Variants in SBF2 observed in about 807,000 individuals in gnomAD.
SBF2 encodes the protein SET binding factor 2, also known as myotubularin-related protein 13.
Under a neutral mutation model 225.2 loss-of-function variants are expected in SBF2, and 112 were observed. The ratio of observed to expected loss-of-function variants is 0.50; its 90% CI spans 0.43 to 0.58. The LOEUF is 0.58. Among genes scored for constraint, SBF2 ranks in the 20% least tolerant of loss-of-function variants. The pLI, the probability that SBF2 is intolerant of heterozygous loss-of-function variation, is 0.00. For synonymous variants in SBF2, 763 were observed against 773.3 expected (o/e 0.99, Z 0.22); for missense variants, 1,996 against 2,206.2 (o/e 0.90, Z 1.91).
intron 2 of SBF2, among the ~76,000 whole-genome samples, chr11:10,098,116 A>T (rs1369696999): frequency 6.6e-6 from 1 of 151,870 alleles, no homozygotes; most frequent in South Asian, 2.1e-4. Flanking sequence ...CATACCATGC[A>T]CCCCTCTCTC....
At chr11:9,821,242 T>C (rs1854735363) in intron 28 of SBF2, among the ~76,000 whole-genome samples, 2 of 152,188 alleles carry the variant, frequency 1.3e-5, no homozygotes, top group African/African-American at 4.8e-5. Flanking sequence ...CTCAAAGAAT[T>C]TGTTGATTAT....
intron 13 of SBF2, among the ~76,000 whole-genome samples, chr11:9,984,286 C>G (rs1947096386): frequency 6.6e-6 from 1 of 151,998 alleles, no homozygotes; most frequent in Non-Finnish European, 1.5e-5. Flanking sequence ...GGGAAATGCC[C>G]TGGAAAGTCC....
At chr11:10,040,591 G>A (rs946323435) in intron 3 of SBF2, among the ~76,000 whole-genome samples, 2 of 151,948 alleles carry the variant, frequency 1.3e-5, no homozygotes, top group Non-Finnish European at 2.9e-5. Flanking sequence ...TGCTATAAAG[G>A]ACACTATTAG....
At chr11:10,248,057 G>A (rs1171824480) in intron 1 of SBF2, among the ~76,000 whole-genome samples, 2 of 152,146 alleles carry the variant, frequency 1.3e-5, no homozygotes, top group African/African-American at 4.8e-5. Flanking sequence ...GTCATAAGCT[G>A]CTTCTTTGAC....
chr11:9,945,259 A>G (rs767842817), intron 16 of SBF2, among the ~76,000 whole-genome samples: 18 of 152,372 alleles, frequency 1.2e-4, no homozygotes, highest in Middle Eastern at 3.4e-3. Context: ...ACATAGGCCA[A>G]TGAGACAGGT....
At chr11:10,062,339 T>C (rs1590866260) in intron 2 of SBF2, among the ~76,000 whole-genome samples, 5 of 152,154 alleles carry the variant, frequency 3.3e-5, no homozygotes, top group Admixed American at 2.6e-4. Flanking sequence ...AATTGACAAA[T>C]GGGGTCTAAT....
chr11:10,257,759 G>A (rs1462509380), intron 1 of SBF2, among the ~76,000 whole-genome samples: 4 of 151,516 alleles, frequency 2.6e-5, no homozygotes, highest in African/African-American at 9.7e-5. Context: ...CACTTTGGGA[G>A]GCCGAGGTGG....
At chr11:9,945,498 A>G (rs1293114816) in intron 16 of SBF2, among the ~76,000 whole-genome samples, 1 of 152,222 alleles carries the variant, frequency 6.6e-6, no homozygotes, top group East Asian at 1.9e-4. Flanking sequence ...AAAACCCTAG[A>G]AGAAAATCTA....
At chr11:9,883,081 C>T (rs1295108457) in intron 17 of SBF2, among the ~76,000 whole-genome samples, 1 of 152,000 alleles carries the variant, frequency 6.6e-6, no homozygotes, top group Non-Finnish European at 1.5e-5. Flanking sequence ...TTGCAGTGAG[C>T]CGAGATTATG....
intron 1 of SBF2, among the ~76,000 whole-genome samples, chr11:10,269,778 T>G (rs1287780634): frequency 6.6e-6 from 1 of 152,214 alleles, no homozygotes; most frequent in Non-Finnish European, 1.5e-5. Flanking sequence ...TCTATTTTTG[T>G]AGAAATGGGG....
chr11:9,882,724 T>C (rs1240955026), intron 17 of SBF2, among the ~76,000 whole-genome samples: 1 of 149,012 alleles, frequency 6.7e-6, no homozygotes, highest in Non-Finnish European at 1.5e-5. Context: ...GGAGAATCAC[T>C]TGTACCCAGG....
At chr11:10,260,562 A>G (rs930024691) in intron 1 of SBF2, among the ~76,000 whole-genome samples, 1 of 151,990 alleles carries the variant, frequency 6.6e-6, no homozygotes, top group Non-Finnish European at 1.5e-5. Context: ...TAAAAATACA[A>G]AAAATTAGCT....
At chr11:9,893,117 G>A (rs758005284) in intron 17 of SBF2, among the ~76,000 whole-genome samples, 14 of 152,288 alleles carry the variant, frequency 9.2e-5, no homozygotes, top group Non-Finnish European at 1.2e-4. Context: ...AACAAGACAA[G>A]CAGCTGAGTC....
At chr11:10,210,927 C>T (rs1346339446) in intron 1 of SBF2, among the ~76,000 whole-genome samples, 7 of 147,668 alleles carry the variant, frequency 4.7e-5, no homozygotes, top group Non-Finnish European at 1.0e-4. Flanking sequence ...GCAGGAGAAT[C>T]GTTTGAACCC....
chr11:9,880,121 A>T (rs1245172258), intron 17 of SBF2, among the ~76,000 whole-genome samples: 1 of 141,034 alleles, frequency 7.1e-6, no homozygotes. Flanking sequence ...AGATCTCAGG[A>T]TGAGCCAAGA....
At chr11:10,208,269 T>C (rs367944670) in intron 1 of SBF2, among the ~76,000 whole-genome samples, 16 of 152,094 alleles carry the variant, frequency 1.1e-4, no homozygotes, top group African/African-American at 3.4e-4. Flanking sequence ...AACACTATGA[T>C]TGCTGATCTG....
chr11:10,136,942 T>C (rs1591042853), intron 2 of SBF2, among the ~76,000 whole-genome samples: 1 of 152,386 alleles, frequency 6.6e-6, no homozygotes, highest in East Asian at 1.9e-4. Context: ...GTCCATGTAC[T>C]AGAAAAATCT....
intron 1 of SBF2, among the ~76,000 whole-genome samples, chr11:10,219,337 T>C (rs1958252998): frequency 6.6e-6 from 1 of 152,162 alleles, no homozygotes; most frequent in Non-Finnish European, 1.5e-5. Context: ...CTTTTAGCCA[T>C]GGCTGGAGTG....
At chr11:10,061,228 A>G (rs1950432289) in intron 2 of SBF2, among the ~76,000 whole-genome samples, 1 of 152,192 alleles carries the variant, frequency 6.6e-6, no homozygotes. Flanking sequence ...CATCTATGAC[A>G]AACTCACAGC....
Sources: gnomAD v4.1 joint callset for allele counts (sites outside exome capture counted in the v4.1 genomes callset) on GRCh38, gnomAD v4.1.1 for gene constraint, MANE v1.5 for transcripts, NCBI Gene and HGNC (gene_info 2026-07-23, HGNC 2026-07-21) for gene names.